Variants in FARP2 observed in about 807,000 individuals in gnomAD.
The protein encoded by FARP2 is FERM, ARHGEF and pleckstrin domain-containing protein 2.
Under a neutral mutation model 130.5 loss-of-function variants are expected in FARP2, and 111 were observed. The ratio of observed to expected loss-of-function variants is 0.85; its 90% CI spans 0.73 to 1.00. The LOEUF is 1.00. FARP2 is among the 50% of genes least tolerant of loss of function. The pLI, the probability that FARP2 is intolerant of heterozygous loss-of-function variation, is 0.00. For missense variants in FARP2, 1,385 were observed against 1,346.3 expected, an observed-to-expected ratio of 1.03 and a Z score of -0.45; for synonymous variants, 504 against 516.9, an observed-to-expected ratio of 0.98 and a Z score of 0.34.
At chr2:241,432,410 G>A (rs17386555) in intron 9 of FARP2, among the ~76,000 whole-genome samples, 16,892 of 152,172 alleles carry the variant, frequency 0.11, 1,192 homozygotes, top group Non-Finnish European at 0.15. Flanking sequence ...GCTCCTAGGG[G>A]TTGCTAAGAA....
chr2:241,489,749 C>T (rs1486036307), intron 21 of FARP2: 1 of 506,612 alleles, frequency 2.0e-6, no homozygotes, highest in East Asian at 3.3e-5. Context: ...TTTGGGTGCC[C>T]TCTGGCCCAT....
At position 241,393,395 on chromosome 2, in the gene FARP2, T is replaced by G. The variant is rs962157508; in HGVS notation, c.184-10433T>G. On this transcript the variant is annotated intron_variant, in intron 2 of 26. Coordinates refer to ENST00000264042, the MANE Select transcript of FARP2 (RefSeq NM_014808.4). Reference sequence around the variant, plus strand: ...TTAGGAATATGTGAGAACCCAAGATTTGAAAATGTGCCAAAATGAGAGTGA... The same window carrying G: ...TTAGGAATATGTGAGAACCCAAGATGTGAAAATGTGCCAAAATGAGAGTGA... Among the ~76,000 whole-genome samples, 11 of 152,254 alleles carry G rather than the reference T, an allele frequency of 7.2e-5. No individual in the cohort carries two copies. The East Asian group carries it at 1.9e-3, about 27-fold the overall frequency.
intron 13 of FARP2, 145 bp from the exon 14 acceptor site, chr2:241,456,602 G>C: frequency 1.4e-6 from 1 of 706,992 alleles, no homozygotes; most frequent in Non-Finnish European, 2.5e-6. Context: ...GTGTGTGATA[G>C]AGGCTGTACA....
intron 4 of FARP2, among the ~76,000 whole-genome samples, chr2:241,406,341 G>A (rs183083078): frequency 2.0e-5 from 3 of 151,456 alleles, no homozygotes; most frequent in African/African-American, 7.3e-5. Flanking sequence ...ACATAAACTG[G>A]GGAAAAAATG....
Position 241,387,748 on chromosome 2 carries a change from G to A in FARP2, c.183+14458G>A, listed in dbSNP as rs183582573. ...GCGGAGCTTGCAGTGAGCCGAGCTC[G>A]CACCACTGCACTCCAGCCTGGGTGA... On this transcript the variant is annotated intron_variant, in intron 2 of 26. Coordinates refer to ENST00000264042, the MANE Select transcript of FARP2 (RefSeq NM_014808.4). Among the ~76,000 whole-genome samples the A allele has an allele frequency of 7.1e-3, 1,016 of 142,666 alleles. 10 individuals carry two copies. The highest frequency in any genetic ancestry group is 0.025 in the African/African-American group (944 of 38,044). The allele number at this position is 142,666 out of a possible 152,430, so 93.6% of individuals were successfully genotyped here. A position where few individuals can be genotyped will look rare whatever the true frequency, so the allele number is the denominator to read the frequency against.
chr2:241,466,405 G>A (rs1038887334), intron 17 of FARP2: 6 of 985,278 alleles, frequency 6.1e-6, no homozygotes, highest in African/African-American at 1.7e-5. Flanking sequence ...TGCCAGGCCC[G>A]CTGTGGGTGG....
chr2:241,478,994 G>A, intron 19 of FARP2: 1 of 494,642 alleles, frequency 2.0e-6, no homozygotes, highest in East Asian at 4.0e-5. Context: ...AAGGATGTGA[G>A]GGACACAGTA....
intron 13 of FARP2, among the ~76,000 whole-genome samples, chr2:241,454,518 T>A (rs918261147): frequency 6.6e-6 from 1 of 152,246 alleles, no homozygotes; most frequent in African/African-American, 2.4e-5. Context: ...AAGAAGATTC[T>A]GGAACACAAA....
At chr2:241,456,515 C>G (rs1004147197) in intron 13 of FARP2, 1 of 501,996 alleles carries the variant, frequency 2.0e-6, no homozygotes, top group Non-Finnish European at 3.5e-6. Context: ...AGGATCCACA[C>G]TGTCTGTGGA....
chr2:241,441,256 A>G (rs1416839648), intron 12 of FARP2, 48 bp from the exon 13 acceptor site: 10 of 1,519,938 alleles, frequency 6.6e-6, no homozygotes, highest in Non-Finnish European at 8.8e-6. Context: ...TCTAGTGGTA[A>G]TTTGTAATTT....
chr2:241,453,394 G>A (rs552020885), intron 13 of FARP2, among the ~76,000 whole-genome samples: 10 of 151,998 alleles, frequency 6.6e-5, no homozygotes, highest in South Asian at 2.1e-4. Flanking sequence ...AGGCCAAGGC[G>A]GGCAGATCAC....
At position 241,491,776 on chromosome 2, in the gene FARP2, G is replaced by A. The variant is rs1002090655; in HGVS notation, c.2787+97G>A. ...AGGGGACCTCAGGAGGGTACCAGCAGGCAGGCTTGGCCCCAGAGGACTGCC... is the reference window on the plus strand; with the variant it reads ...AGGGGACCTCAGGAGGGTACCAGCAAGCAGGCTTGGCCCCAGAGGACTGCC... On this transcript the variant is annotated intron_variant, in intron 24 of 26. Coordinates refer to ENST00000264042, the MANE Select transcript of FARP2 (RefSeq NM_014808.4). 11 of 1,253,438 alleles carry A rather than the reference G, an allele frequency of 8.8e-6. No individual in the cohort carries two copies. The Middle Eastern group carries it at 1.4e-3, about 159-fold the overall frequency. The allele number at this position is 1,253,438 out of a possible 1,614,324, so 77.6% of individuals were successfully genotyped here.
At chr2:241,479,324 A>G (rs1021474572) in intron 19 of FARP2, among the ~76,000 whole-genome samples, 1 of 152,244 alleles carries the variant, frequency 6.6e-6, no homozygotes, top group African/African-American at 2.4e-5. Flanking sequence ...CATAGTCTGT[A>G]AAAGCAGCCT....
rs909708957 is a variant in FARP2, at chr2:241,431,607, G to A, written c.772-72G>A. On this transcript the variant is annotated intron_variant, in intron 8 of 26. Transcript: ENST00000264042. ...CTGTGTTGGCAAGGATGTAATTTAA[G>A]CATTCCCTATTTCATGAGAAAGGGG... The A allele has an allele frequency of 3.1e-5, 24 of 764,524 alleles. No individual in the cohort carries two copies. In the South Asian group the frequency reaches 3.4e-4, roughly 11 times the overall value. The allele number at this position is 764,524 out of a possible 1,614,324, so 47.4% of individuals were successfully genotyped here.
intron 20 of FARP2, chr2:241,483,997 T>C (rs2064690958): frequency 7.5e-7 from 1 of 1,328,898 alleles, no homozygotes; most frequent in Non-Finnish European, 9.7e-7. Flanking sequence ...AATTCCTTAC[T>C]GCCTCCAGCT....
intron 8 of FARP2, among the ~76,000 whole-genome samples, chr2:241,423,311 A>C (rs1440809241): frequency 1.3e-5 from 2 of 152,226 alleles, no homozygotes; most frequent in Non-Finnish European, 2.9e-5. Flanking sequence ...CCAATATTCA[A>C]CATTCTTAGG....
intron 15 of FARP2, among the ~76,000 whole-genome samples, chr2:241,462,955 A>G (rs2150473923): frequency 6.6e-6 from 1 of 152,208 alleles, no homozygotes; most frequent in East Asian, 1.9e-4. Context: ...CAGCCTCCCA[A>G]AGTGCTGGGA....
chr2:241,419,922 G>A (rs1303177709), intron 8 of FARP2, among the ~76,000 whole-genome samples: 2 of 152,134 alleles, frequency 1.3e-5, no homozygotes, highest in African/African-American at 4.8e-5. Context: ...GGCTAAGGTG[G>A]GCAGATTGCT....
rs189711563 is a variant in FARP2, at chr2:241,490,011, A to G, written c.2471A>G (p.Tyr824Cys). 787 of 1,613,982 alleles carry G rather than the reference A, an allele frequency of 4.9e-4. 1 individual carries two copies. The highest frequency in any genetic ancestry group is 6.1e-4 in the Non-Finnish European group (716 of 1,179,872). The change falls in exon 22 of 27, where the codon TAC becomes TGC. Residue 824 changes from tyrosine (Y) to cysteine (C), a missense_variant. Transcript: ENST00000264042. Reference protein sequence around the residue: ...EWSVPHCFTIYAAQKTIVVAA... With the variant: ...EWSVPHCFTICAAQKTIVVAA... ...TCTGTTCCACACTGTTTCACCATCT[A>G]CGCGGCTCAGAAAACAATCGTGGTG...
Sources: allele counts gnomAD v4.1 joint callset (sites outside exome capture counted in the v4.1 genomes callset), GRCh38; gene constraint gnomAD v4.1.1; transcripts MANE v1.5; gene names NCBI Gene and HGNC (gene_info 2026-07-23, HGNC 2026-07-21).